IL17RD: variants seen among roughly 807,000 people sequenced by gnomAD.
IL17RD encodes the protein interleukin-17 receptor D.
IL17RD carries 52 observed loss-of-function variants against 80.5 expected under a neutral mutation model. That is an observed-to-expected ratio of 0.65 (90% CI 0.52 to 0.81). The LOEUF (loss-of-function observed/expected upper bound fraction) is 0.81. IL17RD is among the 40% of genes least tolerant of loss of function. The pLI, the probability that IL17RD is intolerant of heterozygous loss-of-function variation, is 0.00. For missense variants in IL17RD, 1,024 were observed against 955.1 expected (o/e 1.07, Z -0.95); for synonymous variants, 416 against 391.8 (o/e 1.06, Z -0.73).
At chr3:57,103,249 C>T (rs539444789) in intron 8 of IL17RD, 104 bp from the exon 9 acceptor site, 22 of 980,872 alleles carry the variant, frequency 2.2e-5, no homozygotes, top group Admixed American at 8.6e-5. Flanking sequence ...GTGGGCAGTG[C>T]GGGAAGGGGT....
At chr3:57,110,089 G>A in intron 4 of IL17RD, 104 bp downstream of exon 4, 1 of 1,332,920 alleles carries the variant, frequency 7.5e-7, no homozygotes, top group Non-Finnish European at 1.0e-6. Context: ...CGGGTGGGGT[G>A]GACCCCATAG....
At chr3:57,103,299 A>C (rs1706880050) in intron 8 of IL17RD, among the ~76,000 whole-genome samples, 154 bp from the exon 9 acceptor site, 1 of 152,180 alleles carries the variant, frequency 6.6e-6, no homozygotes, top group African/African-American at 2.4e-5. Flanking sequence ...TTTGGAAAAG[A>C]ATGGCTGAGA....
At chr3:57,130,972 A>G (rs1707595623) in intron 1 of IL17RD, among the ~76,000 whole-genome samples, 1 of 152,338 alleles carries the variant, frequency 6.6e-6, no homozygotes, top group Admixed American at 6.5e-5. Flanking sequence ...GACCCTTCCC[A>G]GGCCAGGCGC....
chr3:57,133,235 T>C (rs1707649936), intron 1 of IL17RD, among the ~76,000 whole-genome samples: 1 of 152,232 alleles, frequency 6.6e-6, no homozygotes, highest in Admixed American at 6.5e-5. Flanking sequence ...AATTTTAAAA[T>C]AGCAGGCAAT....
intron 1 of IL17RD, among the ~76,000 whole-genome samples, chr3:57,121,024 G>A (rs1269630176): frequency 6.6e-6 from 1 of 152,112 alleles, no homozygotes; most frequent in Non-Finnish European, 1.5e-5. Context: ...GAATCCTCCC[G>A]TTGACCCCGC....
intron 2 of IL17RD, 48 bp from the exon 3 acceptor site, chr3:57,114,865 T>A: frequency 6.9e-7 from 1 of 1,440,180 alleles, no homozygotes; most frequent in Non-Finnish European, 9.3e-7. Flanking sequence ...ATTTCATTTT[T>A]ATTTTCAGGT....
chr3:57,132,079 G>C (rs1707620556), intron 1 of IL17RD, among the ~76,000 whole-genome samples: 1 of 152,072 alleles, frequency 6.6e-6, no homozygotes, highest in Non-Finnish European at 1.5e-5. Flanking sequence ...CCAGCTACTT[G>C]GGAGGCTGAG....
chr3:57,165,010 G>A, intron 1 of IL17RD, 151 bp downstream of exon 1: 1 of 1,341,942 alleles, frequency 7.5e-7, no homozygotes, highest in South Asian at 1.8e-5. Context: ...AGGGAAACCA[G>A]GAGGATGCGC....
At chr3:57,165,026 GA>G in intron 1 of IL17RD, 134 bp downstream of exon 1, 1 of 1,351,004 alleles carries the variant, frequency 7.4e-7, no homozygotes, top group Non-Finnish European at 9.5e-7. Context: ...TGCGCGGGAG[GA>G]GTGAGACCCA....
Position 57,114,699 on chromosome 3 carries a change from C to G in IL17RD, c.303G>C (p.Gly101=). 1 of 1,609,758 alleles carries G rather than the reference C, an allele frequency of 6.2e-7. No individual in the cohort carries two copies. The highest frequency in any genetic ancestry group is 8.5e-7 in the Non-Finnish European group (1 of 1,178,514). Residue 101 remains glycine, a synonymous_variant, in exon 3 of 13, where the codon GGG becomes GGC. Transcript: ENST00000296318. ...CGATTTTTGACCACTCACCGAGGGC[C>G]CCTGGGGACCAAAGAATGGTGACTG... is the stretch of plus-strand genomic sequence containing the variant. ...QVAVTILWSP[G]ALGIEFLKGF... is the part of the protein sequence containing the mutation.
At chr3:57,132,205 G>C (rs1434210173) in intron 1 of IL17RD, among the ~76,000 whole-genome samples, 2 of 151,850 alleles carry the variant, frequency 1.3e-5, no homozygotes, top group African/African-American at 4.8e-5. Context: ...GGGCGCAGCG[G>C]CTCACATTTG....
chr3:57,104,941 T>C (rs541586664), intron 7 of IL17RD, among the ~76,000 whole-genome samples: 1 of 152,188 alleles, frequency 6.6e-6, no homozygotes, highest in African/African-American at 2.4e-5. Flanking sequence ...TGAACATCCA[T>C]GAAACGGTTT....
Position 57,109,568 on chromosome 3 carries a change from G to A in IL17RD, c.519C>T (p.Ser173=), listed in dbSNP as rs781678354. The A allele has an allele frequency of 6.2e-7, 1 of 1,613,694 alleles. No individual in the cohort carries two copies. ...VVPFPSIKNE[S]NYHPFFFRTR... ...TTCTAAAGAAGAAAGGGTGGTAATT[G>A]CTTTCGTTTTTAATGGAAGGAAAAG... Residue 173 remains serine, a synonymous_variant, in exon 5 of 13, where the codon AGC becomes AGT. Transcript: ENST00000296318.
chr3:57,109,485 A>C, intron 5 of IL17RD, 52 bp downstream of exon 5: 1 of 1,582,916 alleles, frequency 6.3e-7, no homozygotes, highest in East Asian at 2.2e-5. Flanking sequence ...AAAATCATTA[A>C]AAGCGGAGAA....
In IL17RD at chr3:57,106,137, G is replaced by C. The variant is rs1706960837; in HGVS notation, c.568C>G (p.Gln190Glu). ...GGTTTACAAGCTAGATTGTCCGGCT[G>C]TAACAACAGGTCACAGGCTATTAAG... ...FRTRACDLLL[Q>E]PDNLACKPFW... is the part of the protein sequence containing the mutation. The change falls in exon 6 of 13, where the codon CAG (glutamine) becomes GAG (glutamate). Residue 190 changes from glutamine (Q) to glutamate (E), a missense_variant. Physicochemically the swap from Gln to Glu is conservative, Grantham distance 29 (BLOSUM62 2). Coordinates refer to ENST00000296318, the MANE Select transcript of IL17RD (RefSeq NM_017563.5). 2 of 1,611,790 alleles carry C rather than the reference G, an allele frequency of 1.2e-6. No homozygotes were observed. The highest frequency in any genetic ancestry group is 1.7e-5 in the Admixed American group (1 of 59,846).
Position 57,165,211 on chromosome 3 carries a change from C to T in IL17RD, c.76G>A (p.Ala26Thr). Residue 26 changes from alanine to threonine, a missense_variant, in exon 1 of 13, where the codon GCC becomes ACC. Ala to Thr is a moderately conservative substitution (Grantham distance 58). Transcript: ENST00000296318. ...ACLNGSQLAV[A>T]AGGSGRARGA... ...CGCGCGCGGCCGGACCCGCCAGCGGCCACAGCCAGCTGCGAGCCGTTGAGG... is the reference window on the plus strand; with the variant it reads ...CGCGCGCGGCCGGACCCGCCAGCGGTCACAGCCAGCTGCGAGCCGTTGAGG... 1 of 1,531,230 alleles carries T rather than the reference C, an allele frequency of 6.5e-7. No homozygotes were observed. The highest frequency in any genetic ancestry group is 8.8e-7 in the Non-Finnish European group (1 of 1,139,608). The allele number at this position is 1,531,230 out of a possible 1,614,324, so 94.9% of individuals were successfully genotyped here.
intron 1 of IL17RD, among the ~76,000 whole-genome samples, chr3:57,153,480 G>C (rs1241658534): frequency 6.6e-6 from 1 of 152,330 alleles, no homozygotes; most frequent in Admixed American, 6.5e-5. Context: ...AAAATAGGTA[G>C]AGGAACTGTT....
intron 12 of IL17RD, 108 bp from the exon 13 acceptor site, chr3:57,096,613 T>C: frequency 2.5e-6 from 2 of 787,076 alleles, no homozygotes; most frequent in Non-Finnish European, 4.5e-6. Flanking sequence ...ATGGGCTCTG[T>C]ATAAACGAGG....
Position 57,164,898 on chromosome 3 carries a change from T to C in IL17RD, c.126+263A>G, listed in dbSNP as rs1015439653. On this transcript the variant is annotated intron_variant, in intron 1 of 12. Coordinates refer to ENST00000296318, the MANE Select transcript of IL17RD (RefSeq NM_017563.5). ...CCCGCCGCCCCTCACGCCCGCCCTC[T>C]GAATGGGACCCCGGCCGGCGGCCGC... The C allele has an allele frequency of 1.4e-4, 171 of 1,214,154 alleles. 2 individuals carry two copies. The highest frequency in any genetic ancestry group is 1.0e-3 in the Middle Eastern group (3 of 3,002). 75.2% of individuals were successfully genotyped at this position (1,214,154 alleles called of 1,614,324 possible). A position where few individuals can be genotyped will look rare whatever the true frequency, so the allele number is the denominator to read the frequency against.
Sources: allele counts gnomAD v4.1 joint callset (sites outside exome capture counted in the v4.1 genomes callset), GRCh38; gene constraint gnomAD v4.1.1; transcripts MANE v1.5; gene names NCBI Gene and HGNC (gene_info 2026-07-23, HGNC 2026-07-21).